The following PACC1 variants were observed in gnomAD, a reference collection of about 807,000 sequenced individuals.
PACC1 encodes the protein proton-activated chloride channel.
In PACC1, 34 loss-of-function variants were observed where a neutral mutation model predicts 39.7. The ratio of observed to expected loss-of-function variants is 0.86; its 90% CI spans 0.65 to 1.14. The LOEUF is 1.14. Ranked by LOEUF, PACC1 falls within the 50% of genes most tolerant of loss-of-function variation. PACC1 has a pLI of 0.00. For missense variants in PACC1, 379 were observed against 436.4 expected (o/e 0.87, Z 1.17); for synonymous variants, 127 against 160.6 (o/e 0.79, Z 1.58).
At position 212,379,969 on chromosome 1, in the gene PACC1, G is replaced by T; in HGVS notation, c.564C>A (p.Arg188=). 6.2e-7 allele frequency: 1 copy of T among 1,614,196 alleles called. No homozygotes were observed. ...KKRELVFLQF[R]LNKSSEDFSA... is the part of the protein sequence containing the mutation. ...TGAAGTCCTCACTACTCTTGTTCAG[G>T]CGGAACTGGAGGAAGACCAGCTCCC... The change falls in exon 5 of 8, where the codon CGC becomes CGA. Residue 188 remains arginine, a synonymous_variant. Coordinates refer to ENST00000261455, the MANE Select transcript of PACC1 (RefSeq NM_018252.3).
At chr1:212,403,099 T>C (rs944150824) in intron 2 of PACC1, among the ~76,000 whole-genome samples, 5 of 152,234 alleles carry the variant, frequency 3.3e-5, no homozygotes, top group African/African-American at 1.2e-4. Flanking sequence ...TGTAAGAAAG[T>C]GCTTATTCTA....
intron 1 of PACC1, among the ~76,000 whole-genome samples, chr1:212,411,476 T>G (rs1039328081): frequency 1.3e-5 from 2 of 152,106 alleles, no homozygotes; most frequent in Non-Finnish European, 2.9e-5. Context: ...ACCAGTGGTC[T>G]CACCTGTCAA....
chr1:212,410,207 G>C, intron 2 of PACC1: 1 of 557,294 alleles, frequency 1.8e-6, no homozygotes, highest in Non-Finnish European at 3.2e-6. Flanking sequence ...CCTGACCTCA[G>C]GAAGTGGCTC....
At chr1:212,400,633 T>C (rs983597532) in intron 2 of PACC1, among the ~76,000 whole-genome samples, 2 of 151,682 alleles carry the variant, frequency 1.3e-5, no homozygotes, top group Non-Finnish European at 2.9e-5. Context: ...AAAAAAACAG[T>C]GCTGGTTATT....
rs1660285080 is a variant in PACC1 at position 212,367,412 on chromosome 1, C to T, written c.892-2036G>A. ...ATTGGAACTTCACAAGGGAAAACAG[C>T]ACCAGGCAGAATTCTGAGGCCCTGA... is the stretch of plus-strand genomic sequence containing the variant. On this transcript the variant is annotated intron_variant, in intron 7 of 7. Transcript: ENST00000261455. Among the ~76,000 whole-genome samples the T allele has an allele frequency of 2.0e-5, 3 of 152,264 alleles. No individual in the cohort carries two copies. In the South Asian group the frequency reaches 6.2e-4, roughly 32 times the overall value.
chr1:212,369,207 G>T (rs1399205580), intron 7 of PACC1, among the ~76,000 whole-genome samples: 1 of 151,864 alleles, frequency 6.6e-6, no homozygotes, highest in Non-Finnish European at 1.5e-5. Context: ...AAGCCTTATG[G>T]TAACCATAAA....
At chr1:212,367,994 G>T (rs1024582306) in intron 7 of PACC1, among the ~76,000 whole-genome samples, 4 of 152,082 alleles carry the variant, frequency 2.6e-5, no homozygotes, top group Non-Finnish European at 4.4e-5. Context: ...GGGAGTACCT[G>T]CCTTACCCCT....
At chr1:212,393,162 C>A (rs534327794) in intron 2 of PACC1, among the ~76,000 whole-genome samples, 5 of 152,158 alleles carry the variant, frequency 3.3e-5, no homozygotes, top group Non-Finnish European at 5.9e-5. Context: ...CACACCTATT[C>A]CAAAATTGAC....
chr1:212,410,164 G>C (rs1473887237), intron 2 of PACC1: 1 of 432,868 alleles, frequency 2.3e-6, no homozygotes, highest in East Asian at 4.2e-5. Flanking sequence ...CAGAAGAGCA[G>C]AGATCCAAAG....
At chr1:212,414,191 A>G (rs1258576341) in intron 1 of PACC1, 8 of 1,242,538 alleles carry the variant, frequency 6.4e-6, no homozygotes, top group Non-Finnish European at 7.5e-6. Flanking sequence ...GAGTCCATGA[A>G]GGCACTTTTT....
chr1:212,412,378 C>T (rs1448897840), intron 1 of PACC1, among the ~76,000 whole-genome samples: 2 of 152,218 alleles, frequency 1.3e-5, no homozygotes, highest in African/African-American at 2.4e-5. Flanking sequence ...TGACTACCCA[C>T]AGCCATAATG....
Position 212,386,821 on chromosome 1 carries a change from C to T in PACC1, c.343+70G>A, listed in dbSNP as rs188760151. The T allele has an allele frequency of 5.4e-6, 8 of 1,474,058 alleles. No homozygotes were observed. In the African/African-American group the frequency reaches 8.3e-5, roughly 15 times the overall value. The allele number at this position is 1,474,058 out of a possible 1,614,324, so 91.3% of individuals were successfully genotyped here. On this transcript the variant is annotated intron_variant, in intron 3 of 7. Transcript: ENST00000261455. This position sits in a 1 kb window ranked among gnomAD's most constrained non-coding sequence, Gnocchi z 5.0. ...CGTAGTACCACAAATACAACGGCAG[C>T]TCAGGGAGTATCTGCCAGCTGACAC...
chr1:212,365,398 A>G, intron 7 of PACC1, 22 bp from the exon 8 acceptor site: 1 of 1,584,232 alleles, frequency 6.3e-7, no homozygotes. Flanking sequence ...ACAGAAACAA[A>G]CAGGATTACT....
intron 7 of PACC1, 50 bp from the exon 8 acceptor site, chr1:212,365,426 A>ATTT: frequency 1.0e-6 from 1 of 967,306 alleles, no homozygotes; most frequent in Non-Finnish European, 1.5e-6. Flanking sequence ...TTCAGTCTTG[A>ATTT]TTCTTTTTTT....
chr1:212,369,782 G>GA (rs1197824626), intron 7 of PACC1, among the ~76,000 whole-genome samples: 20,603 of 73,782 alleles, frequency 0.28, 2,194 homozygotes, highest in East Asian at 0.48. Flanking sequence ...CTCCATCTCA[G>GA]AAAAAAAAAA....
intron 2 of PACC1, chr1:212,387,838 G>A (rs556918840): frequency 1.1e-4 from 16 of 152,352 alleles, no homozygotes; most frequent in Admixed American, 9.2e-4. Context: ...AGGATCACCT[G>A]AGGTCGGGAG....
chr1:212,385,354 T>G lies in PACC1; in HGVS notation c.415A>C (p.Thr139Pro). ...KHHYEVIPPL[T>P]SPGQPGDMNC... ...ATGTCACCCGGCTGGCCAGGGCTTG[T>G]CAGAGGAGGAATGACCTCGTAATGG... is the stretch of plus-strand genomic sequence containing the variant. Residue 139 changes from threonine (T) to proline (P), a missense_variant, in exon 4 of 8, where the codon ACA becomes CCA. Transcript: ENST00000261455. 1.9e-6 allele frequency: 3 copies of G among 1,613,932 alleles called. No individual in the cohort carries two copies. The highest frequency in any genetic ancestry group is 2.5e-6 in the Non-Finnish European group (3 of 1,179,968).
At chr1:212,395,741 GA>G (rs1052444822) in intron 2 of PACC1, among the ~76,000 whole-genome samples, 6 of 145,386 alleles carry the variant, frequency 4.1e-5, no homozygotes, top group East Asian at 2.0e-4. Flanking sequence ...ACATTTACAA[GA>G]AAAAAAAAAC....
At chr1:212,390,296 G>T (rs1661263655) in intron 2 of PACC1, among the ~76,000 whole-genome samples, 1 of 151,886 alleles carries the variant, frequency 6.6e-6, no homozygotes, top group African/African-American at 2.4e-5. Flanking sequence ...GGTGGTGCAT[G>T]CCTATAATCC....
Sources: gnomAD v4.1 joint callset for allele counts (sites outside exome capture counted in the v4.1 genomes callset) on GRCh38, gnomAD v4.1.1 for gene constraint, Gnocchi (gnomAD v3.1) non-coding constraint, MANE v1.5 for transcripts, NCBI Gene and HGNC (gene_info 2026-07-23, HGNC 2026-07-21) for gene names.